CREB5: variants seen among roughly 807,000 people sequenced by gnomAD.
The protein encoded by CREB5 is cyclic AMP-responsive element-binding protein 5.
A neutral mutation model predicts 57.1 loss-of-function variants in CREB5; 19 were observed. The observed-to-expected ratio is 0.33, with a 90% CI of 0.23 to 0.49. CREB5 has a LOEUF of 0.49. Among genes scored for constraint, CREB5 ranks in the 20% least tolerant of loss-of-function variants. The pLI, the probability that CREB5 is intolerant of heterozygous loss-of-function variation, is 0.99. For missense variants in CREB5, 579 were observed against 671.6 expected, an observed-to-expected ratio of 0.86 and a Z score of 1.52; for synonymous variants, 238 against 238.3, an observed-to-expected ratio of 1.00 and a Z score of 0.01.
chr7:28,306,546 G>GTTTTTTGTTTTTTTTTTTTTTTTTTTTTT (rs1785187073), intron 1 of CREB5, among the ~76,000 whole-genome samples: 1 of 93,494 alleles, frequency 1.1e-5, no homozygotes, highest in African/African-American at 5.0e-5. Context: ...ATACAGTTTT[G>GTTTTTTGTTTTTTTTTTTTTTTTTTTTTT]TTTTTTTTGT....
At chr7:28,328,355 G>A (rs1380755582) in intron 1 of CREB5, among the ~76,000 whole-genome samples, 1 of 152,074 alleles carries the variant, frequency 6.6e-6, no homozygotes, top group Non-Finnish European at 1.5e-5. Context: ...CACACAAAAG[G>A]GTTATGACTG....
chr7:28,494,786 T>G (rs373158228), intron 2 of CREB5, 120 bp from the exon 3 acceptor site: 24 of 639,326 alleles, frequency 3.8e-5, no homozygotes, highest in Middle Eastern at 9.3e-4. Flanking sequence ...TTTTTTTTTT[T>G]TTGTTTTGCC....
At chr7:28,352,505 G>A (rs1024967835) in intron 1 of CREB5, among the ~76,000 whole-genome samples, 1 of 152,172 alleles carries the variant, frequency 6.6e-6, no homozygotes, top group African/African-American at 2.4e-5. Flanking sequence ...GCAGCTCCAG[G>A]ATTGGTAAAT....
intron 1 of CREB5, among the ~76,000 whole-genome samples, chr7:28,351,379 T>G (rs781150633): frequency 2.6e-5 from 4 of 152,168 alleles, no homozygotes; most frequent in Non-Finnish European, 5.9e-5. Flanking sequence ...TGCTTGCAGA[T>G]CCATACTGCT....
chr7:28,727,838 G>C (rs975896372), intron 7 of CREB5, among the ~76,000 whole-genome samples: 1 of 152,214 alleles, frequency 6.6e-6, no homozygotes, highest in African/African-American at 2.4e-5. Flanking sequence ...AGGCTAGAGA[G>C]TGTTGATACT....
chr7:28,321,786 G>A (rs1209051642), intron 1 of CREB5, among the ~76,000 whole-genome samples: 1 of 152,148 alleles, frequency 6.6e-6, no homozygotes, highest in African/African-American at 2.4e-5. Flanking sequence ...CACATTCAAA[G>A]GTAAAATTAT....
intron 9 of CREB5, among the ~76,000 whole-genome samples, chr7:28,812,844 A>C (rs536946131): frequency 6.6e-6 from 1 of 152,280 alleles, no homozygotes; most frequent in East Asian, 1.9e-4. Context: ...GTAAACAGAA[A>C]TGGAAGGTGC....
intron 7 of CREB5, among the ~76,000 whole-genome samples, chr7:28,789,030 C>T (rs946227129): frequency 6.6e-6 from 1 of 152,124 alleles, no homozygotes. Flanking sequence ...ATGTTAATCT[C>T]CCTAACATGG....
intron 7 of CREB5, among the ~76,000 whole-genome samples, chr7:28,752,174 T>G (rs1010885522): frequency 1.3e-5 from 2 of 152,196 alleles, no homozygotes; most frequent in African/African-American, 4.8e-5. Flanking sequence ...TTGTAATTTT[T>G]TCTTTTTTTG....
chr7:28,590,672 TATAATAATAATAATA>T lies in CREB5; in HGVS notation c.464+20158_464+20172del, dbSNP rs71555752. Among the ~76,000 whole-genome samples, 630 of 142,970 alleles carry T rather than the reference TATAATAATAATAATA, an allele frequency of 4.4e-3. 5 individuals carry two copies. Among genetic ancestry groups the T allele is most frequent in the Middle Eastern group, 7.4e-3 (2 of 272 alleles). 93.8% of individuals were successfully genotyped at this position (142,970 alleles called of 152,430 possible). On this transcript the variant is annotated intron_variant, in intron 5 of 10. Coordinates refer to ENST00000357727, the MANE Select transcript of CREB5 (RefSeq NM_182898.4). ...TGCGCATGTACCCTGGAACTTAAAG[TATAATAATAATAATA>T]ATAATAATAATAATAATAATAAAAA...
rs542705960 is a variant in CREB5 at position 28,444,085 on chromosome 7, G to T, written c.3+31168G>T. On this transcript the variant is annotated intron_variant, in intron 1 of 10. Coordinates refer to ENST00000357727, the MANE Select transcript of CREB5 (RefSeq NM_182898.4). ...TTGGTGTCTTTACAAAACTCAGAAG[G>T]TTCCTTTTCCCTGTTGCCCCTCCAT... 1.1e-3 allele frequency among the ~76,000 whole-genome samples: 167 copies of T among 152,308 alleles called. 1 individual carries two copies. The Middle Eastern group carries it at 0.02, about 19-fold the overall frequency.
chr7:28,582,212 G>T (rs1160804139), intron 5 of CREB5, among the ~76,000 whole-genome samples: 1 of 152,040 alleles, frequency 6.6e-6, no homozygotes, highest in African/African-American at 2.4e-5. Flanking sequence ...CCTGTCCTTA[G>T]GTAAAATTTC....
intron 1 of CREB5, among the ~76,000 whole-genome samples, chr7:28,348,424 A>T (rs1329585419): frequency 6.6e-6 from 1 of 151,594 alleles, no homozygotes; most frequent in Non-Finnish European, 1.5e-5. Context: ...ACACACACAC[A>T]CACACACACA....
chr7:28,482,826 G>C (rs548029437), intron 1 of CREB5, among the ~76,000 whole-genome samples: 118 of 152,324 alleles, frequency 7.7e-4, no homozygotes, highest in African/African-American at 2.8e-3. Flanking sequence ...TTGTAGGTTT[G>C]AAGTTCCCAT....
upstream of CREB5, among the ~76,000 whole-genome samples, chr7:28,411,833 C>G (rs1787817500): frequency 6.6e-6 from 1 of 152,144 alleles, no homozygotes; most frequent in Admixed American, 6.5e-5. Context: ...TGACATCCTT[C>G]CCCAAGTCTG....
At chr7:28,521,522 T>C (rs1793207944) in intron 4 of CREB5, among the ~76,000 whole-genome samples, 1 of 152,244 alleles carries the variant, frequency 6.6e-6, no homozygotes, top group South Asian at 2.1e-4. Context: ...TATTATTTCC[T>C]GATTATACCC....
chr7:28,330,958 A>G (rs1583680742), intron 1 of CREB5, among the ~76,000 whole-genome samples: 1 of 152,084 alleles, frequency 6.6e-6, no homozygotes, highest in African/African-American at 2.4e-5. Flanking sequence ...CCTGCTTGCA[A>G]ACTTCCAAGG....
chr7:28,551,870 TTTTCTTTCTTTCTTTTC>T (rs1386271016), intron 4 of CREB5, among the ~76,000 whole-genome samples: 3 of 122,836 alleles, frequency 2.4e-5, no homozygotes, highest in Non-Finnish European at 5.6e-5. Flanking sequence ...CTTTCTTTCT[TTTTCTTTCTTTCTTTTC>T]TTTCTTTCTT....
At chr7:28,729,360 T>C (rs1803490724) in intron 7 of CREB5, among the ~76,000 whole-genome samples, 1 of 152,212 alleles carries the variant, frequency 6.6e-6, no homozygotes, top group South Asian at 2.1e-4. Flanking sequence ...TAACAGTGCT[T>C]CTGTCGGCTC....
Sources: gnomAD v4.1 joint callset for allele counts (sites outside exome capture counted in the v4.1 genomes callset) on GRCh38, gnomAD v4.1.1 for gene constraint, MANE v1.5 for transcripts, NCBI Gene and HGNC (gene_info 2026-07-23, HGNC 2026-07-21) for gene names.